The following ARHGEF10L variants were observed in gnomAD, a reference collection of about 807,000 sequenced individuals.
ARHGEF10L encodes the protein rho guanine nucleotide exchange factor 10-like protein.
A neutral mutation model predicts 141.2 loss-of-function variants in ARHGEF10L; 69 were observed. The observed-to-expected ratio is 0.49, with a 90% CI of 0.40 to 0.60. ARHGEF10L has a LOEUF of 0.60. ARHGEF10L is among the 20% of genes least tolerant of loss of function. The pLI is 0.00. For missense variants in ARHGEF10L, 1,482 were observed against 1,734.3 expected (o/e 0.85, Z 2.58); for synonymous variants, 711 against 718.5 (o/e 0.99, Z 0.17).
At chr1:17,660,581 T>G (rs553377010) in intron 25 of ARHGEF10L, among the ~76,000 whole-genome samples, 7 of 152,244 alleles carry the variant, frequency 4.6e-5, no homozygotes, top group Admixed American at 3.9e-4. Flanking sequence ...TCAGCCGTGA[T>G]GACTTTCACT....
intron 1 of ARHGEF10L, among the ~76,000 whole-genome samples, chr1:17,544,395 A>G (rs1210647846): frequency 1.3e-5 from 2 of 151,868 alleles, no homozygotes; most frequent in Non-Finnish European, 2.9e-5. Flanking sequence ...CGCACGTTCA[A>G]GCGATTCTCA....
In ARHGEF10L at chr1:17,616,113, C is replaced by T; in HGVS notation, c.746C>T (p.Ala249Val). ...YDCKMTQLMK[A>V]AKSGTKDGLE... ...GCTCAGATGACCCAGCTCATGAAGG[C>T]CGCCAAGAGCGGGACCAAGGATGGG... Residue 249 changes from alanine to valine, a missense_variant, in exon 9 of 29, where the codon GCC becomes GTC. Physicochemically the swap from Ala to Val is moderately conservative, Grantham distance 64. Around this residue, in one of 3 missense-constraint regions of ARHGEF10L, gnomAD observed 392 missense variants for 542.1 expected, o/e 0.72. Transcript: ENST00000361221. 1.9e-6 allele frequency: 3 copies of T among 1,613,734 alleles called. No homozygotes were observed. The highest frequency in any genetic ancestry group is 2.5e-6 in the Non-Finnish European group (3 of 1,179,982).
At chr1:17,580,229 C>A (rs2078428910) in intron 1 of ARHGEF10L, among the ~76,000 whole-genome samples, 1 of 152,194 alleles carries the variant, frequency 6.6e-6, no homozygotes, top group Non-Finnish European at 1.5e-5. Flanking sequence ...TGAGCATGAT[C>A]CTGGACTCTG....
At chr1:17,688,939 C>T (rs1569764732) in intron 27 of ARHGEF10L, among the ~76,000 whole-genome samples, 2 of 152,130 alleles carry the variant, frequency 1.3e-5, no homozygotes, top group African/African-American at 2.4e-5. Context: ...ACACAGTCCA[C>T]GGCAGTCACA....
At position 17,697,753 on chromosome 1, in the gene ARHGEF10L, GGT is replaced by G. The variant is rs1476665423; in HGVS notation, c.*379_*380del. 1 of 465,820 alleles carries G rather than the reference GGT, an allele frequency of 2.1e-6. No homozygotes were observed. Among genetic ancestry groups the G allele is most frequent in the East Asian group, 6.0e-5 (1 of 16,710 alleles). 28.9% of individuals were successfully genotyped at this position (465,820 alleles called of 1,614,324 possible). Reference sequence around the variant, plus strand: ...GTGAGTGTGTGCGAGTGTGTGGGCTGGTGTGTGAATATCTATAAATAAGTATA... The same window carrying G: ...GTGAGTGTGTGCGAGTGTGTGGGCTGGTGTGAATATCTATAAATAAGTATA... On this transcript the variant is annotated 3_prime_UTR_variant, in exon 29 of 29. Coordinates refer to ENST00000361221, the MANE Select transcript of ARHGEF10L (RefSeq NM_018125.4). This position sits in a 1 kb window ranked among gnomAD's most constrained non-coding sequence, Gnocchi z 4.8.
At chr1:17,552,856 A>C (rs2077167869) in intron 1 of ARHGEF10L, among the ~76,000 whole-genome samples, 1 of 152,160 alleles carries the variant, frequency 6.6e-6, no homozygotes, top group Admixed American at 6.5e-5. Context: ...GCAGAATTTG[A>C]ACCTGACCCT....
Position 17,673,595 on chromosome 1 carries a change from C to T in ARHGEF10L, c.3009+9000C>T, listed in dbSNP as rs1187283705. ...ACACTCAGGCAGAGTGGCCGCTACG[C>T]AATGGTCCTCTGTGAGCCTGGCAGC... On this transcript the variant is annotated intron_variant, in intron 26 of 28. Transcript: ENST00000361221. This position sits in a 1 kb window ranked among gnomAD's most constrained non-coding sequence, Gnocchi z 4.1. Among the ~76,000 whole-genome samples the T allele has an allele frequency of 6.6e-6, 1 of 152,194 alleles. No homozygotes were observed. The highest frequency in any genetic ancestry group is 1.5e-5 in the Non-Finnish European group (1 of 68,032).
intron 28 of ARHGEF10L, among the ~76,000 whole-genome samples, chr1:17,695,910 G>T (rs1432644047): frequency 6.6e-6 from 1 of 152,130 alleles, no homozygotes; most frequent in Non-Finnish European, 1.5e-5. Context: ...AAGAAGAATT[G>T]CTTTGGCTGG....
intron 26 of ARHGEF10L, among the ~76,000 whole-genome samples, chr1:17,687,010 T>A (rs2102494787): frequency 6.6e-6 from 1 of 152,264 alleles, no homozygotes; most frequent in East Asian, 1.9e-4. Flanking sequence ...TGCTGCTTCT[T>A]GATGTATCAA....
chr1:17,610,610 G>A (rs960556002), intron 7 of ARHGEF10L, among the ~76,000 whole-genome samples: 2 of 152,316 alleles, frequency 1.3e-5, no homozygotes, highest in Non-Finnish European at 2.9e-5. Flanking sequence ...TGCTTGGGGC[G>A]CACCTGCTCA....
Position 17,632,454 on chromosome 1 carries a change from A to G in ARHGEF10L, c.1718A>G (p.Asn573Ser), listed in dbSNP as rs2060750597. 6.2e-7 allele frequency: 1 copy of G among 1,614,112 alleles called. No individual in the cohort carries two copies. Among genetic ancestry groups the G allele is most frequent in the African/African-American group, 1.3e-5 (1 of 75,038 alleles). Reference sequence around the variant, plus strand: ...CTCAACGACATGCTTGTCTGTGCCAACATCAACTTCAAGTAAGTGGGCCTG... The same window carrying G: ...CTCAACGACATGCTTGTCTGTGCCAGCATCAACTTCAAGTAAGTGGGCCTG... The part of the protein sequence containing the change: ...FLLNDMLVCA[N>S]INFKPANHRG... Residue 573 changes from asparagine (N) to serine (S), a missense_variant, in exon 16 of 29, where the codon AAC (asparagine) becomes AGC (serine). By Grantham distance (46) the Asn-to-Ser change is conservative (BLOSUM62 1). This residue lies in a region of ARHGEF10L where 858 missense variants were observed against 966.3 expected (regional missense o/e 0.89). Coordinates refer to ENST00000361221, the MANE Select transcript of ARHGEF10L (RefSeq NM_018125.4).
intron 1 of ARHGEF10L, among the ~76,000 whole-genome samples, chr1:17,555,626 A>G (rs975679865): frequency 3.3e-5 from 5 of 152,142 alleles, no homozygotes; most frequent in Non-Finnish European, 2.9e-5. Flanking sequence ...AAGTGCTGGG[A>G]TTACAGGTGT....
intron 1 of ARHGEF10L, among the ~76,000 whole-genome samples, chr1:17,543,183 C>T (rs907282504): frequency 1.4e-4 from 21 of 152,120 alleles, no homozygotes; most frequent in African/African-American, 3.6e-4. Flanking sequence ...GAGCCTCTGC[C>T]GGGTCCTGGG....
chr1:17,606,635 A>C (rs11586569), intron 6 of ARHGEF10L, among the ~76,000 whole-genome samples: 2,317 of 152,100 alleles, frequency 0.015, 54 homozygotes, highest in African/African-American at 0.053. Flanking sequence ...CAAAAACAAA[A>C]AAACCCTTCC....
At chr1:17,651,614 A>C (rs2061941603) in intron 22 of ARHGEF10L, among the ~76,000 whole-genome samples, 1 of 152,146 alleles carries the variant, frequency 6.6e-6, no homozygotes, top group African/African-American at 2.4e-5. Context: ...ACCCCCATCC[A>C]GGTGGGGAGC....
chr1:17,639,963 G>T lies in ARHGEF10L; in HGVS notation c.2172-239G>T. Reference sequence around the variant, plus strand: ...TCCTGGAGCCAGGCTGGGGAGCGTGGCTCAGCCACCCTGGCCAGGTACCTC... The same window carrying T: ...TCCTGGAGCCAGGCTGGGGAGCGTGTCTCAGCCACCCTGGCCAGGTACCTC... On this transcript the variant is annotated intron_variant, in intron 20 of 28. Transcript: ENST00000361221. This position sits in a 1 kb window ranked among gnomAD's most constrained non-coding sequence, Gnocchi z 4.3. The T allele has an allele frequency of 6.7e-7, 1 of 1,494,104 alleles. No individual in the cohort carries two copies. Among genetic ancestry groups the T allele is most frequent in the Non-Finnish European group, 8.9e-7 (1 of 1,121,272 alleles). The allele number at this position is 1,494,104 out of a possible 1,614,324, so 92.6% of individuals were successfully genotyped here. A position where few individuals can be genotyped will look rare whatever the true frequency, so the allele number is the denominator to read the frequency against.
intron 26 of ARHGEF10L, among the ~76,000 whole-genome samples, chr1:17,678,961 G>A (rs913957053): frequency 6.6e-6 from 1 of 152,142 alleles, no homozygotes; most frequent in African/African-American, 2.4e-5. Flanking sequence ...AATAGTTAAC[G>A]ATCTTTCTAG....
intron 26 of ARHGEF10L, among the ~76,000 whole-genome samples, chr1:17,684,014 T>TTTGTGCATCC (rs1553243223): frequency 6.6e-6 from 1 of 152,190 alleles, no homozygotes; most frequent in African/African-American, 2.4e-5. Flanking sequence ...TGTGTGCATG[T>TTTGTGCATCC]TTGTGCATCC....
chr1:17,588,527 A>AC, intron 4 of ARHGEF10L, 48 bp downstream of exon 4: 1 of 1,611,284 alleles, frequency 6.2e-7, no homozygotes, highest in Non-Finnish European at 8.5e-7. Flanking sequence ...ACAGGGAGAC[A>AC]CCGGGCAGTG....
Sources: gnomAD v4.1 joint callset for allele counts (sites outside exome capture counted in the v4.1 genomes callset) on GRCh38, gnomAD v4.1.1 for gene constraint, gnomAD v4.1.1 regional missense constraint, Gnocchi (gnomAD v3.1) non-coding constraint, MANE v1.5 for transcripts, NCBI Gene and HGNC (gene_info 2026-07-23, HGNC 2026-07-21) for gene names.